Variants in KANK1 observed in about 807,000 individuals in gnomAD.
The protein encoded by KANK1 is KN motif and ankyrin repeat domains 1.
A neutral mutation model predicts 106.2 loss-of-function variants in KANK1; 109 were observed. The ratio of observed to expected loss-of-function variants is 1.03; its 90% CI spans 0.88 to 1.20. The LOEUF (loss-of-function observed/expected upper bound fraction) is 1.20. Among genes scored for constraint, KANK1 ranks in the 50% most tolerant of loss-of-function variants. The pLI, the probability that KANK1 is intolerant of heterozygous loss-of-function variation, is 0.00. For missense variants in KANK1, 2,399 were observed against 1,710.7 expected, an observed-to-expected ratio of 1.40 and a Z score of -7.10; for synonymous variants, 873 against 652.2, an observed-to-expected ratio of 1.34 and a Z score of -5.16.
intron 2 of KANK1, chr9:686,639 C>A: frequency 2.0e-6 from 1 of 496,916 alleles, no homozygotes; most frequent in Non-Finnish European, 2.6e-6. Context: ...TTTCCATTAG[C>A]ACCACACTTT....
chr9:566,500 C>G (rs1272707336), intron 1 of KANK1, among the ~76,000 whole-genome samples: 1 of 152,192 alleles, frequency 6.6e-6, no homozygotes, highest in African/African-American at 2.4e-5. Flanking sequence ...TCCTTTTTCT[C>G]TGCAACCTCG....
chr9:743,557 G>T (rs1836284602), intron 10 of KANK1, among the ~76,000 whole-genome samples: 1 of 152,114 alleles, frequency 6.6e-6, no homozygotes, highest in African/African-American at 2.4e-5. Flanking sequence ...CTGACCAGAG[G>T]GAAATCCGTA....
At chr9:718,562 A>G (rs1448438372) in intron 3 of KANK1, among the ~76,000 whole-genome samples, 1 of 152,064 alleles carries the variant, frequency 6.6e-6, no homozygotes. Context: ...CGCCTGCCTC[A>G]GCCTCCCAAA....
At chr9:525,163 T>C in intron 1 of KANK1, among the ~76,000 whole-genome samples, 1 of 150,726 alleles carries the variant, frequency 6.6e-6, no homozygotes, top group African/African-American at 2.5e-5. Flanking sequence ...CCTGGCTAAT[T>C]TTTATATTTT....
upstream of KANK1, among the ~76,000 whole-genome samples, chr9:504,446 G>T (rs760398059): frequency 6.6e-6 from 1 of 151,642 alleles, no homozygotes; most frequent in Non-Finnish European, 1.5e-5. Flanking sequence ...CCGGCTCCGC[G>T]GTACAAAGAG....
chr9:568,156 G>T (rs1818269005), intron 1 of KANK1, among the ~76,000 whole-genome samples: 1 of 152,128 alleles, frequency 6.6e-6, no homozygotes, highest in African/African-American at 2.4e-5. Flanking sequence ...TCTTGATGTG[G>T]TTATAACCAC....
At chr9:543,630 A>C (rs1002405830) in intron 1 of KANK1, among the ~76,000 whole-genome samples, 2 of 151,994 alleles carry the variant, frequency 1.3e-5, no homozygotes, top group African/African-American at 4.8e-5. Flanking sequence ...TTGTCCTTCT[A>C]CGGAAGTCAG....
At chr9:481,173 C>A (rs1392991528) in intron 3 of KANK1, among the ~76,000 whole-genome samples, 3 of 152,284 alleles carry the variant, frequency 2.0e-5, no homozygotes, top group South Asian at 4.1e-4. Flanking sequence ...AGAATGATTA[C>A]ACGGTACTTG....
At chr9:734,666 A>C (rs77731420) in intron 6 of KANK1, 82 bp from the exon 7 acceptor site, 12 of 829,052 alleles carry the variant, frequency 1.4e-5, no homozygotes, top group Non-Finnish European at 2.2e-5. Flanking sequence ...ACCCTGTCTC[A>C]AAAAAAAAAT....
rs768486417 is a variant in KANK1 at position 713,086 on chromosome 9, C to G, written c.2320C>G (p.Leu774Val). The change falls in exon 3 of 12, where the codon CTC becomes GTC. Residue 774 changes from leucine to valine, a missense_variant. Coordinates refer to ENST00000382297, the MANE Select transcript of KANK1 (RefSeq NM_015158.5). ...ININDNYLVG[L>V]KMRTIACGPP... ...TATTAACGACAACTATCTGGTTGGT[C>G]TCAAAATGAGGACTATAGCTTGTGG... The G allele has an allele frequency of 6.2e-7, 1 of 1,613,394 alleles. No homozygotes were observed. The highest frequency in any genetic ancestry group is 8.5e-7 in the Non-Finnish European group (1 of 1,179,496).
intron 1 of KANK1, among the ~76,000 whole-genome samples, chr9:630,499 T>G (rs893238464): frequency 6.6e-6 from 1 of 151,460 alleles, no homozygotes; most frequent in Non-Finnish European, 1.5e-5. Context: ...TGCAGTGAGC[T>G]GAGATCCCGC....
rs796710528 is a variant in KANK1, at chr9:738,830, G to T, written c.3553+326G>T. Among the ~76,000 whole-genome samples the T allele has an allele frequency of 2.5e-4, 38 of 152,338 alleles. 1 individual carries two copies. The highest frequency in any genetic ancestry group is 8.2e-4 in the African/African-American group (34 of 41,582). On this transcript the variant is annotated intron_variant, in intron 8 of 11. Transcript: ENST00000382297. Reference sequence around the variant, plus strand: ...TTCCCTCCTGAGCTGAATCATGCGGGCTTGGCCGGTTTGCACTCAGGAGGC... The same window carrying T: ...TTCCCTCCTGAGCTGAATCATGCGGTCTTGGCCGGTTTGCACTCAGGAGGC...
intron 1 of KANK1, among the ~76,000 whole-genome samples, chr9:623,613 AAAAG>A (rs1306187443): frequency 6.6e-6 from 1 of 151,838 alleles, no homozygotes; most frequent in Non-Finnish European, 1.5e-5. Context: ...TCAAAAAAAA[AAAAG>A]AAAAAGAAAA....
intron 11 of KANK1, chr9:744,832 G>C (rs1836777498): frequency 2.8e-6 from 4 of 1,423,548 alleles, no homozygotes; most frequent in African/African-American, 1.4e-5. Flanking sequence ...TCCCATAGAG[G>C]TTTTGATTCT....
At chr9:503,945 C>G (rs1373052858), upstream of KANK1, among the ~76,000 whole-genome samples, 2 of 152,174 alleles carry the variant, frequency 1.3e-5, no homozygotes, top group Non-Finnish European at 2.9e-5. Context: ...CACGCATCCT[C>G]CCCTTTCCGC....
intron 1 of KANK1, among the ~76,000 whole-genome samples, chr9:570,129 G>A (rs1818806667): frequency 1.1e-4 from 16 of 152,116 alleles, no homozygotes. Flanking sequence ...GTTTTAATCT[G>A]TGCTTGGAGA....
rs936068935 is a variant in KANK1, at chr9:657,567, G to GT, written c.-83-19314dup. On this transcript the variant is annotated intron_variant, in intron 1 of 11. Transcript: ENST00000382297. ...TGTTTTTTTGTTGTTGTTTGTTCTT[G>GT]TTTTTTTTTAATAGTGGCCATCCTA... is the stretch of plus-strand genomic sequence containing the variant. Among the ~76,000 whole-genome samples the GT allele has an allele frequency of 8.2e-4, 123 of 150,548 alleles. 1 individual carries two copies. The highest frequency in any genetic ancestry group is 9.8e-4 in the East Asian group (5 of 5,124).
intron 1 of KANK1, among the ~76,000 whole-genome samples, chr9:670,131 T>G (rs1845551496): frequency 6.6e-6 from 1 of 152,164 alleles, no homozygotes; most frequent in Non-Finnish European, 1.5e-5. Flanking sequence ...ATTGCTTTTC[T>G]TTGTTGTCTT....
intron 1 of KANK1, among the ~76,000 whole-genome samples, chr9:635,317 C>T (rs1009026341): frequency 3.3e-5 from 5 of 152,154 alleles, no homozygotes; most frequent in Non-Finnish European, 7.4e-5. Flanking sequence ...ACTTTCCTTG[C>T]GCACTCCCTG....
Sources: allele counts gnomAD v4.1 joint callset (sites outside exome capture counted in the v4.1 genomes callset), GRCh38; gene constraint gnomAD v4.1.1; transcripts MANE v1.5; gene names NCBI Gene and HGNC (gene_info 2026-07-23, HGNC 2026-07-21).